Variants in ADAMTS14 observed in about 807,000 individuals in gnomAD.
ADAMTS14 encodes the protein A disintegrin and metalloproteinase with thrombospondin motifs 14.
Under a neutral mutation model 128.6 loss-of-function variants are expected in ADAMTS14, and 100 were observed. That is an observed-to-expected ratio of 0.78 (90% CI 0.66 to 0.92). ADAMTS14 has a LOEUF of 0.92. Ranked by LOEUF, ADAMTS14 falls within the 40% of genes least tolerant of loss-of-function variation. ADAMTS14 has a pLI of 0.00. For missense variants in ADAMTS14, 1,562 were observed against 1,658.6 expected (o/e 0.94, Z 1.01); for synonymous variants, 665 against 653.8 (o/e 1.02, Z -0.26).
chr10:70,680,477 A>C (rs1207416737), intron 2 of ADAMTS14, among the ~76,000 whole-genome samples: 1 of 152,216 alleles, frequency 6.6e-6, no homozygotes, highest in Non-Finnish European at 1.5e-5. Flanking sequence ...GGCCCCACGA[A>C]AGGTGGTGTT....
At chr10:70,709,531 G>C (rs7912588) in intron 4 of ADAMTS14, among the ~76,000 whole-genome samples, 55,452 of 126,428 alleles carry the variant, frequency 0.44, 11,966 homozygotes, top group East Asian at 0.81. Flanking sequence ...GACGGAGTCT[G>C]GCTCTGTCAC....
At chr10:70,742,717 C>G in intron 12 of ADAMTS14, among the ~76,000 whole-genome samples, 1 of 152,332 alleles carries the variant, frequency 6.6e-6, no homozygotes, top group East Asian at 1.9e-4. Context: ...GACTGTTAGA[C>G]GAATTCCAGG....
intron 7 of ADAMTS14, 32 bp downstream of exon 7, chr10:70,732,391 G>A (rs201759767): frequency 1.5e-5 from 23 of 1,569,998 alleles, no homozygotes; most frequent in South Asian, 3.4e-5. Context: ...GGTGGGACTG[G>A]CAGCTGTGCC....
chr10:70,754,315 T>C (rs1480056535), intron 19 of ADAMTS14, among the ~76,000 whole-genome samples: 1 of 152,224 alleles, frequency 6.6e-6, no homozygotes, highest in Non-Finnish European at 1.5e-5. Flanking sequence ...GCACTAGCTG[T>C]ATGCCAGACC....
At chr10:70,756,144 C>T (rs1165762198) in intron 19 of ADAMTS14, among the ~76,000 whole-genome samples, 1 of 152,198 alleles carries the variant, frequency 6.6e-6, no homozygotes, top group East Asian at 1.9e-4. Flanking sequence ...TAAAAAAGCA[C>T]TTCCAATGGA....
chr10:70,674,895 G>T lies in ADAMTS14; in HGVS notation c.422G>T (p.Arg141Leu). 6.2e-7 allele frequency: 1 copy of T among 1,613,314 alleles called. No individual in the cohort carries two copies. Among genetic ancestry groups the T allele is most frequent in the Non-Finnish European group, 8.5e-7 (1 of 1,180,026 alleles). ...TCAGTGGAGTGGCAGGAGGATTTTC[G>T]GGAGCTGTTCCGGCAGCCCTTACGG... ...GSSVEWQEDFRELFRQPLRQE... is the reference protein window; with the variant it reads ...GSSVEWQEDFLELFRQPLRQE... The change falls in exon 2 of 22, where the codon CGG becomes CTG. Residue 141 changes from arginine (R) to leucine (L), a missense_variant. Physicochemically the swap from Arg to Leu is moderately radical, Grantham distance 102 (BLOSUM62 -2). Coordinates refer to ENST00000373207, the MANE Select transcript of ADAMTS14 (RefSeq NM_080722.4).
intron 2 of ADAMTS14, among the ~76,000 whole-genome samples, chr10:70,676,659 C>T (rs903189772): frequency 6.6e-6 from 1 of 152,244 alleles, no homozygotes; most frequent in East Asian, 1.9e-4. Context: ...AGCCTAAGGC[C>T]TTGTCAGGTG....
In ADAMTS14 at chr10:70,705,918, G is replaced by A. The variant is rs117542434; in HGVS notation, c.680-2670G>A. Among the ~76,000 whole-genome samples, 32 of 152,340 alleles carry A rather than the reference G, an allele frequency of 2.1e-4. No homozygotes were observed. In the East Asian group the frequency reaches 2.1e-3, roughly 10 times the overall value. On this transcript the variant is annotated intron_variant, in intron 3 of 21. Transcript: ENST00000373207. The stretch of plus-strand genomic sequence containing the variant: ...TGTGCAAGATTTTATGTGAACATAC[G>A]TTTTCAATTCTCTTGAGTACATACT...
In ADAMTS14 at chr10:70,749,821, G is replaced by C. The variant is rs1406466210; in HGVS notation, c.2264-1G>C. 6.2e-7 allele frequency: 1 copy of C among 1,613,700 alleles called. No homozygotes were observed. Among genetic ancestry groups the C allele is most frequent in the Non-Finnish European group, 8.5e-7 (1 of 1,179,944 alleles). On this transcript the variant is annotated splice_acceptor_variant, in intron 15 of 21. Coordinates refer to ENST00000373207, the MANE Select transcript of ADAMTS14 (RefSeq NM_080722.4). LOFTEE classifies it high-confidence loss of function. The stretch of plus-strand genomic sequence containing the variant: ...TGTGACCCTCTCCCCCCACCGGTCA[G>C]TGGTGAAGAACCAGGTCACCGGCAG...
Position 70,674,638 on chromosome 10 carries a change from C to A in ADAMTS14, c.165C>A (p.His55Gln). 1 of 1,613,760 alleles carries A rather than the reference C, an allele frequency of 6.2e-7. No homozygotes were observed. The highest frequency in any genetic ancestry group is 2.2e-5 in the East Asian group (1 of 44,890). The change falls in exon 2 of 22, where the codon CAC becomes CAA. Residue 55 changes from histidine to glutamine, a missense_variant. Coordinates refer to ENST00000373207, the MANE Select transcript of ADAMTS14 (RefSeq NM_080722.4). ...STDFRGRFLS[H>Q]VVSGPAAASA... ...ACTTTCGGGGACGCTTCCTCTCCCA[C>A]GTGGTGTCTGGCCCAGCAGCAGCCT...
intron 15 of ADAMTS14, among the ~76,000 whole-genome samples, 186 bp from the exon 16 acceptor site, chr10:70,749,636 T>TGTGTGTGC (rs1491491341): frequency 5.5e-5 from 8 of 145,926 alleles, no homozygotes; most frequent in African/African-American, 1.6e-4. Context: ...TGTGTGTGTG[T>TGTGTGTGC]GCGCGCACGT....
Position 70,748,922 on chromosome 10 carries a change from G to A in ADAMTS14, c.2264-900G>A, listed in dbSNP as rs570316825. 6.6e-5 allele frequency among the ~76,000 whole-genome samples: 10 copies of A among 152,314 alleles called. No homozygotes were observed. The East Asian group carries it at 1.9e-3, about 29-fold the overall frequency. The stretch of plus-strand genomic sequence containing the variant: ...AGGGTGGCCAAAGGTACCACTCAGG[G>A]GCCTTGGCCAGGTGTTGGCATCTAC... On this transcript the variant is annotated intron_variant, in intron 15 of 21. Coordinates refer to ENST00000373207, the MANE Select transcript of ADAMTS14 (RefSeq NM_080722.4).
intron 2 of ADAMTS14, among the ~76,000 whole-genome samples, chr10:70,697,644 C>G (rs1840368225): frequency 6.6e-6 from 1 of 152,230 alleles, no homozygotes; most frequent in African/African-American, 2.4e-5. Flanking sequence ...TGATAGTAGA[C>G]AGCTGTGGGT....
intron 2 of ADAMTS14, among the ~76,000 whole-genome samples, chr10:70,679,213 A>G (rs1341685188): frequency 1.3e-5 from 2 of 151,900 alleles, no homozygotes; most frequent in Non-Finnish European, 2.9e-5. Context: ...CATGAAAGAT[A>G]GTGCCAGGCC....
chr10:70,745,452 A>G (rs7907248), intron 15 of ADAMTS14, 146 bp downstream of exon 15: 226,235 of 870,574 alleles, frequency 0.26, 31,893 homozygotes, highest in Non-Finnish European at 0.3. Flanking sequence ...TTTTCATTTT[A>G]TTTTAAATTT....
At chr10:70,747,809 T>G (rs1300992371) in intron 15 of ADAMTS14, among the ~76,000 whole-genome samples, 4 of 152,098 alleles carry the variant, frequency 2.6e-5, no homozygotes, top group Non-Finnish European at 5.9e-5. Flanking sequence ...TGGCACAGGT[T>G]GTGTGATTAT....
rs1356263719 is a variant in ADAMTS14, at chr10:70,736,714, G to A, written c.1520G>A (p.Cys507Tyr). 3 of 1,613,928 alleles carry A rather than the reference G, an allele frequency of 1.9e-6. No individual in the cohort carries two copies. Among genetic ancestry groups the A allele is most frequent in the Non-Finnish European group, 8.5e-7 (1 of 1,179,878 alleles). ...RTFEPCKQLW[C>Y]SHPDNPYFCK... ...TTTGAGCCCTGCAAGCAGCTGTGGT[G>A]CAGCCATCCTGACAACCCGTACTTC... The change falls in exon 10 of 22, where the codon TGC (cysteine) becomes TAC (tyrosine). Residue 507 changes from cysteine to tyrosine, a missense_variant. By Grantham distance (194) the Cys-to-Tyr change is radical (BLOSUM62 -2). Transcript: ENST00000373207.
At position 70,730,379 on chromosome 10, in the gene ADAMTS14, A is replaced by G. The variant is rs1209247033; in HGVS notation, c.1102+130A>G. The stretch of plus-strand genomic sequence containing the variant: ...GGAGGTTTGAAGGGATGGGACCTGG[A>G]CAGCCGAGGATGAGCTTTGCAATGG... On this transcript the variant is annotated intron_variant, in intron 6 of 21. Transcript: ENST00000373207. The G allele has an allele frequency of 1.3e-5, 17 of 1,276,070 alleles. 1 individual carries two copies. In the South Asian group the frequency reaches 2.6e-4, roughly 19 times the overall value. The allele number at this position is 1,276,070 out of a possible 1,614,324, so 79.0% of individuals were successfully genotyped here.
rs76933301 is a variant in ADAMTS14, at chr10:70,710,508, G to A, written c.870+1730G>A. Among the ~76,000 whole-genome samples, 126 of 152,332 alleles carry A rather than the reference G, an allele frequency of 8.3e-4. 2 individuals carry two copies. In the East Asian group the frequency reaches 0.021, roughly 25 times the overall value. ...AAGATGACTGCAGTATGCCAAGGCC[G>A]GGATAGAATCACCTTATCCTCAGTC... is the stretch of plus-strand genomic sequence containing the variant. On this transcript the variant is annotated intron_variant, in intron 4 of 21. Coordinates refer to ENST00000373207, the MANE Select transcript of ADAMTS14 (RefSeq NM_080722.4).
Sources: allele counts gnomAD v4.1 joint callset (sites outside exome capture counted in the v4.1 genomes callset), GRCh38; gene constraint gnomAD v4.1.1; transcripts MANE v1.5; gene names NCBI Gene and HGNC (gene_info 2026-07-23, HGNC 2026-07-21).